Variants in CNTNAP2 observed in about 807,000 individuals in gnomAD.
CNTNAP2 encodes the protein contactin-associated protein-like 2.
Under a neutral mutation model 155.2 loss-of-function variants are expected in CNTNAP2, and 98 were observed. That is an observed-to-expected ratio of 0.63 (90% confidence interval 0.54 to 0.75). The LOEUF (loss-of-function observed/expected upper bound fraction) is 0.75, where lower values mean the gene tolerates loss of function less well. CNTNAP2 is among the 30% of genes least tolerant of loss of function. CNTNAP2 has a pLI of 0.00. For synonymous variants in CNTNAP2, 651 were observed against 631.2 expected (o/e 1.03, Z -0.47); for missense variants, 1,727 against 1,688.1 (o/e 1.02, Z -0.40).
chr7:146,672,096 G>A (rs1027608670), intron 1 of CNTNAP2, among the ~76,000 whole-genome samples: 3 of 152,248 alleles, frequency 2.0e-5, no homozygotes, highest in African/African-American at 4.8e-5. Context: ...TTACAGGCAT[G>A]AGCCACTACA....
intron 8 of CNTNAP2, among the ~76,000 whole-genome samples, chr7:147,242,826 T>A (rs17170370): frequency 0.085 from 12,871 of 151,926 alleles, 576 homozygotes; most frequent in Middle Eastern, 0.11. Flanking sequence ...TTAACAATTC[T>A]CCTTTCCTTA....
At chr7:147,019,123 T>A (rs1798775174) in intron 3 of CNTNAP2, among the ~76,000 whole-genome samples, 1 of 152,110 alleles carries the variant, frequency 6.6e-6, no homozygotes, top group African/African-American at 2.4e-5. Flanking sequence ...TTCTAAGTAG[T>A]ACTGAGAGTT....
At chr7:146,387,572 A>G (rs1445664397) in intron 1 of CNTNAP2, among the ~76,000 whole-genome samples, 4 of 152,182 alleles carry the variant, frequency 2.6e-5, no homozygotes, top group African/African-American at 4.8e-5. Flanking sequence ...TTCTTATTTC[A>G]TAAAGAGATG....
chr7:146,506,503 C>T (rs754416319), intron 1 of CNTNAP2, among the ~76,000 whole-genome samples: 5 of 152,206 alleles, frequency 3.3e-5, no homozygotes, highest in African/African-American at 7.2e-5. Context: ...CTCCAACCAC[C>T]GGACCTGGCC....
At chr7:148,002,482 A>G (rs1203344816) in intron 15 of CNTNAP2, among the ~76,000 whole-genome samples, 4 of 152,206 alleles carry the variant, frequency 2.6e-5, no homozygotes, top group Non-Finnish European at 5.9e-5. Flanking sequence ...TCTGAAGGCT[A>G]TATGTAGTCC....
chr7:147,705,037 AT>A (rs1563059055), intron 13 of CNTNAP2, among the ~76,000 whole-genome samples: 1 of 151,240 alleles, frequency 6.6e-6, no homozygotes, highest in East Asian at 1.9e-4. Flanking sequence ...GATCCTTTGT[AT>A]TTTTTTAAGT....
At chr7:148,130,056 C>T (rs912962127) in intron 16 of CNTNAP2, among the ~76,000 whole-genome samples, 1 of 152,238 alleles carries the variant, frequency 6.6e-6, no homozygotes, top group East Asian at 1.9e-4. Flanking sequence ...GAATGGCCCA[C>T]GATACCTCAA....
At chr7:147,985,019 G>A (rs1015561209) in intron 15 of CNTNAP2, among the ~76,000 whole-genome samples, 2 of 151,962 alleles carry the variant, frequency 1.3e-5, no homozygotes, top group Non-Finnish European at 2.9e-5. Flanking sequence ...GGAGACTGAG[G>A]CATGAGAATC....
chr7:147,922,241 A>G (rs1164229313), intron 14 of CNTNAP2, among the ~76,000 whole-genome samples: 2 of 152,236 alleles, frequency 1.3e-5, no homozygotes, highest in South Asian at 4.1e-4. Context: ...AAAACAGCCA[A>G]TCTTTCTTGT....
chr7:146,827,514 T>TA (rs201506689), intron 2 of CNTNAP2, among the ~76,000 whole-genome samples: 1 of 151,106 alleles, frequency 6.6e-6, no homozygotes, highest in Admixed American at 6.6e-5. Context: ...TTTTTTTTTT[T>TA]ATATCAGAGA....
intron 1 of CNTNAP2, among the ~76,000 whole-genome samples, chr7:146,409,583 A>G (rs559008872): frequency 3.3e-5 from 5 of 152,196 alleles, no homozygotes; most frequent in African/African-American, 7.2e-5. Context: ...TATCTAAAAC[A>G]TCTATCACAA....
intron 13 of CNTNAP2, among the ~76,000 whole-genome samples, chr7:147,782,446 G>A (rs192333292): frequency 1.3e-5 from 2 of 152,258 alleles, no homozygotes. Context: ...ATTGCTCATT[G>A]TTTGGGAGGC....
At chr7:147,269,373 G>A (rs550487312) in intron 8 of CNTNAP2, among the ~76,000 whole-genome samples, 2 of 152,286 alleles carry the variant, frequency 1.3e-5, no homozygotes, top group African/African-American at 2.4e-5. Flanking sequence ...AGCTGAGAAA[G>A]TGTTCACCCA....
At chr7:147,058,529 G>A (rs1236828859) in intron 4 of CNTNAP2, among the ~76,000 whole-genome samples, 2 of 152,134 alleles carry the variant, frequency 1.3e-5, no homozygotes, top group African/African-American at 4.8e-5. Context: ...CTAAAACAGA[G>A]CAAACAAATC....
rs202204028 is a variant in CNTNAP2 at position 146,823,440 on chromosome 7, G to T, written c.209-16271G>T. On this transcript the variant is annotated intron_variant, in intron 2 of 23. Coordinates refer to ENST00000361727, the MANE Select transcript of CNTNAP2 (RefSeq NM_014141.6). ...ACTCATTCTTCAGTATATTTCCATGGAAATATACTCATTCTTCAGTATATT... is the reference window on the plus strand; with the variant it reads ...ACTCATTCTTCAGTATATTTCCATGTAAATATACTCATTCTTCAGTATATT... 9.1e-3 allele frequency among the ~76,000 whole-genome samples: 782 copies of T among 85,672 alleles called. 11 individuals carry two copies. Among genetic ancestry groups the T allele is most frequent in the Middle Eastern group, 0.023 (1 of 44 alleles). The allele number at this position is 85,672 out of a possible 152,430, so 56.2% of individuals were successfully genotyped here. A position where few individuals can be genotyped will look rare whatever the true frequency, so the allele number is the denominator to read the frequency against.
At chr7:148,025,734 T>A (rs1347633244) in intron 15 of CNTNAP2, among the ~76,000 whole-genome samples, 1 of 152,222 alleles carries the variant, frequency 6.6e-6, no homozygotes, top group African/African-American at 2.4e-5. Flanking sequence ...CTTTCTGTAA[T>A]AACTTGCAGG....
At chr7:147,842,560 T>C (rs1273006954) in intron 13 of CNTNAP2, among the ~76,000 whole-genome samples, 3 of 145,478 alleles carry the variant, frequency 2.1e-5, no homozygotes, top group African/African-American at 7.6e-5. Flanking sequence ...TGCATTTCTT[T>C]TTTTTTTTTT....
intron 17 of CNTNAP2, among the ~76,000 whole-genome samples, chr7:148,170,114 A>T (rs1289895397): frequency 1.3e-5 from 2 of 152,242 alleles, no homozygotes; most frequent in African/African-American, 2.4e-5. Flanking sequence ...GTTAAATCTG[A>T]GTAGCGTAAC....
intron 4 of CNTNAP2, among the ~76,000 whole-genome samples, chr7:147,052,055 C>A (rs1296958030): frequency 6.6e-6 from 1 of 152,038 alleles, no homozygotes; most frequent in Admixed American, 6.6e-5. Flanking sequence ...GATACTTTCT[C>A]TAACCAAAAT....
Sources: allele counts gnomAD v4.1 joint callset (sites outside exome capture counted in the v4.1 genomes callset), GRCh38; gene constraint gnomAD v4.1.1; transcripts MANE v1.5; gene names NCBI Gene and HGNC (gene_info 2026-07-23, HGNC 2026-07-21).